The following DYRK1A variants were observed in gnomAD, a reference collection of about 807,000 sequenced individuals.
DYRK1A encodes the protein dual specificity tyrosine phosphorylation regulated kinase 1A.
In DYRK1A, 9 loss-of-function variants were observed where a neutral mutation model predicts 79.7. The ratio of observed to expected loss-of-function variants is 0.11; its 90% CI spans 0.07 to 0.20. The LOEUF (loss-of-function observed/expected upper bound fraction) is 0.20, where lower values mean the gene tolerates loss of function less well. DYRK1A is among the 10% of genes least tolerant of loss of function. The pLI is 1.00. For missense variants in DYRK1A, 622 were observed against 956.0 expected, an observed-to-expected ratio of 0.65 and a Z score of 4.61; for synonymous variants, 349 against 329.7, an observed-to-expected ratio of 1.06 and a Z score of -0.63.
At chr21:37,397,636 A>G (rs566885583) in intron 1 of DYRK1A, among the ~76,000 whole-genome samples, 2 of 152,280 alleles carry the variant, frequency 1.3e-5, no homozygotes, top group East Asian at 3.9e-4. Context: ...TGGGCTCCAA[A>G]TTCTTAATCT....
intron 1 of DYRK1A, among the ~76,000 whole-genome samples, chr21:37,401,957 A>T (rs949909795): frequency 6.6e-6 from 1 of 151,928 alleles, no homozygotes; most frequent in African/African-American, 2.4e-5. Context: ...TATTGTTGCA[A>T]CTCCTACTTC....
chr21:37,413,719 T>C (rs2050284204), intron 1 of DYRK1A, among the ~76,000 whole-genome samples: 1 of 152,194 alleles, frequency 6.6e-6, no homozygotes, highest in Non-Finnish European at 1.5e-5. Context: ...TAGAGCGTCA[T>C]TGGGCCACCT....
chr21:37,426,255 G>A (rs2050615163), intron 2 of DYRK1A, among the ~76,000 whole-genome samples: 1 of 152,168 alleles, frequency 6.6e-6, no homozygotes, highest in East Asian at 1.9e-4. Flanking sequence ...AGTCAGAAAA[G>A]CTACTCCAGT....
chr21:37,366,448 C>G (rs1250406163), upstream of DYRK1A, among the ~76,000 whole-genome samples: 1 of 147,788 alleles, frequency 6.8e-6, no homozygotes, highest in Non-Finnish European at 1.5e-5. Flanking sequence ...CGGGCGATCG[C>G]GCACAGGCCT....
chr21:37,375,519 C>CTTTTT (rs58948987), intron 1 of DYRK1A, among the ~76,000 whole-genome samples: 856 of 81,380 alleles, frequency 0.011, 40 homozygotes, highest in African/African-American at 0.026. Context: ...AGGAATATTA[C>CTTTTT]TTTTTTTTTT....
chr21:37,397,374 A>G (rs1469913847), intron 1 of DYRK1A, among the ~76,000 whole-genome samples: 1 of 152,234 alleles, frequency 6.6e-6, no homozygotes, highest in Non-Finnish European at 1.5e-5. Context: ...TGCTAAGGGT[A>G]GTATATTGAA....
chr21:37,499,419 T>A (rs1208050497), intron 9 of DYRK1A, among the ~76,000 whole-genome samples: 2 of 152,190 alleles, frequency 1.3e-5, no homozygotes, highest in Non-Finnish European at 2.9e-5. Flanking sequence ...TCCTTTCTTT[T>A]CACATATGGA....
chr21:37,405,135 A>G (rs1472556615), intron 1 of DYRK1A, among the ~76,000 whole-genome samples: 2 of 151,966 alleles, frequency 1.3e-5, no homozygotes, highest in African/African-American at 2.4e-5. Context: ...ATGATTTTTT[A>G]GTGATGTCGG....
chr21:37,409,257 A>T (rs947360387), intron 1 of DYRK1A, among the ~76,000 whole-genome samples: 1 of 152,164 alleles, frequency 6.6e-6, no homozygotes, highest in African/African-American at 2.4e-5. Context: ...CTTACTGTGC[A>T]CTGTTTTAAA....
chr21:37,479,002 A>G (rs966182137), intron 4 of DYRK1A, among the ~76,000 whole-genome samples: 2 of 152,298 alleles, frequency 1.3e-5, no homozygotes, highest in Admixed American at 6.5e-5. Flanking sequence ...CTCCAAAGTT[A>G]ATTATTAAAG....
In DYRK1A at chr21:37,399,422, C is replaced by T. The variant is rs375612656; in HGVS notation, c.-76-20877C>T. On this transcript the variant is annotated intron_variant, in intron 1 of 11. Coordinates refer to ENST00000647188, the MANE Select transcript of DYRK1A (RefSeq NM_001347721.2). ...GGAGGATGCAGGCAGGGAAAGAGTG[C>T]GGGAACCATTCCTGCAGAGTTTGTG... Among the ~76,000 whole-genome samples the T allele has an allele frequency of 1.4e-4, 21 of 150,886 alleles. No homozygotes were observed. The East Asian group carries it at 3.2e-3, about 23-fold the overall frequency.
At chr21:37,368,931 A>G (rs1236024755) in intron 1 of DYRK1A, among the ~76,000 whole-genome samples, 3 of 152,206 alleles carry the variant, frequency 2.0e-5, no homozygotes, top group Admixed American at 6.5e-5. Flanking sequence ...AGGTAAGGTA[A>G]TGGTGATGAG....
intron 2 of DYRK1A, among the ~76,000 whole-genome samples, chr21:37,448,908 G>C (rs1425171331): frequency 1.3e-5 from 2 of 152,092 alleles, no homozygotes; most frequent in African/African-American, 4.8e-5. Context: ...ATGTTGTCCA[G>C]GCTGGTCTTG....
At chr21:37,417,529 C>CTTTTTCTTTTTTTTTT (rs1555959239) in intron 1 of DYRK1A, among the ~76,000 whole-genome samples, 3 of 44,048 alleles carry the variant, frequency 6.8e-5, no homozygotes, top group Admixed American at 3.2e-4. Flanking sequence ...TTTTCTTTTT[C>CTTTTTCTTTTTTTTTT]TTTTTTTTTT....
chr21:37,482,787 G>C (rs1389847041), intron 5 of DYRK1A, among the ~76,000 whole-genome samples: 2 of 152,134 alleles, frequency 1.3e-5, no homozygotes, highest in Admixed American at 6.5e-5. Flanking sequence ...CCATTTCAGA[G>C]ACCTACCCTC....
rs2053885551 is a variant in DYRK1A at position 37,516,820 on chromosome 21, TC to T, written c.*4290del. The stretch of plus-strand genomic sequence containing the variant: ...TAACACTGAGACTGTCAGGTATTTG[TC>T]AGTATTTATTTCTAATTTCCTACTT... On this transcript the variant is annotated 3_prime_UTR_variant, in exon 12 of 12. Coordinates refer to ENST00000647188, the MANE Select transcript of DYRK1A (RefSeq NM_001347721.2). 2 of 152,232 alleles carry T rather than the reference TC, an allele frequency of 1.3e-5. No homozygotes were observed. The highest frequency in any genetic ancestry group is 2.9e-5 in the Non-Finnish European group (2 of 68,034). 9.4% of individuals were successfully genotyped at this position (152,232 alleles called of 1,614,324 possible).
At chr21:37,432,659 A>G (rs771147365) in intron 2 of DYRK1A, among the ~76,000 whole-genome samples, 9 of 152,152 alleles carry the variant, frequency 5.9e-5, no homozygotes, top group African/African-American at 1.4e-4. Flanking sequence ...GTCATTTGAG[A>G]TGATCTTGGC....
chr21:37,469,898 C>A (rs1461402505), intron 2 of DYRK1A, among the ~76,000 whole-genome samples: 1 of 152,200 alleles, frequency 6.6e-6, no homozygotes, highest in Middle Eastern at 3.2e-3. Flanking sequence ...GTAATCCCAG[C>A]ACTTTGGGAG....
intron 2 of DYRK1A, among the ~76,000 whole-genome samples, chr21:37,431,698 AAGTT>A (rs2050780033): frequency 6.6e-6 from 1 of 152,180 alleles, no homozygotes; most frequent in South Asian, 2.1e-4. Flanking sequence ...TTTTTTTAAA[AAGTT>A]AGACCAGCTA....
Sources: allele counts gnomAD v4.1 joint callset (sites outside exome capture counted in the v4.1 genomes callset), GRCh38; gene constraint gnomAD v4.1.1; transcripts MANE v1.5; gene names NCBI Gene and HGNC (gene_info 2026-07-23, HGNC 2026-07-21).